MANEAL: variants seen among roughly 807,000 people sequenced by gnomAD.
MANEAL encodes glycoprotein endo-alpha-1,2-mannosidase-like protein.
MANEAL carries 28 observed loss-of-function variants against 35.9 expected under a neutral mutation model. The observed-to-expected ratio is 0.78, with a 90% CI of 0.58 to 1.07. The LOEUF is 1.07. Among genes scored for constraint, MANEAL ranks in the 50% least tolerant of loss-of-function variants. The pLI is 0.00. For missense variants in MANEAL, 576 were observed against 629.6 expected, an observed-to-expected ratio of 0.91 and a Z score of 0.91; for synonymous variants, 286 against 272.2, an observed-to-expected ratio of 1.05 and a Z score of -0.50.
chr1:37,795,506 C>T (rs1646637929), intron 1 of MANEAL: 1 of 1,363,146 alleles, frequency 7.3e-7, no homozygotes, highest in African/African-American at 1.5e-5. Context: ...GCCTGGCTCC[C>T]TTCCGGCCTG....
chr1:37,800,253 A>G lies in MANEAL; in HGVS notation c.*50A>G, dbSNP rs1202389146. ...GCTGATGTCCTTGCCTTGCTGGAAG[A>G]TGTCACCATGTGGGGTTCAGCTGAG... On this transcript the variant is annotated 3_prime_UTR_variant, in exon 4 of 4. Transcript: ENST00000373045. The G allele has an allele frequency of 1.9e-6, 3 of 1,586,144 alleles. No homozygotes were observed. Among genetic ancestry groups the G allele is most frequent in the Non-Finnish European group, 2.6e-6 (3 of 1,168,796 alleles).
At chr1:37,798,217 A>G (rs1263669777) in intron 3 of MANEAL, among the ~76,000 whole-genome samples, 2 of 152,196 alleles carry the variant, frequency 1.3e-5, no homozygotes, top group African/African-American at 2.4e-5. Context: ...ACTTAAGCCC[A>G]GTTGTACAGT....
In MANEAL at chr1:37,800,523, G is replaced by T; in HGVS notation, c.*320G>T. On this transcript the variant is annotated 3_prime_UTR_variant, in exon 4 of 4. Coordinates refer to ENST00000373045, the MANE Select transcript of MANEAL (RefSeq NM_001113482.2). ...GAACTCTGCAGCAGGCTGGTGCTGT[G>T]TAGTGGCCACCCAGTCACCACCCTT... 1 of 370,702 alleles carries T rather than the reference G, an allele frequency of 2.7e-6. No individual in the cohort carries two copies. The allele number at this position is 370,702 out of a possible 1,614,324, so 23.0% of individuals were successfully genotyped here.
rs564527496 is a variant in MANEAL, at chr1:37,799,103, G to A, written c.738-464G>A. Among the ~76,000 whole-genome samples the A allele has an allele frequency of 1.2e-4, 18 of 152,132 alleles. No individual in the cohort carries two copies. Among genetic ancestry groups the A allele is most frequent in the Middle Eastern group, 3.4e-3 (1 of 294 alleles). On this transcript the variant is annotated intron_variant, in intron 3 of 3. Coordinates refer to ENST00000373045, the MANE Select transcript of MANEAL (RefSeq NM_001113482.2). The surrounding 1 kb of genome is among the most constrained non-coding windows in gnomAD (Gnocchi z 4.1). ...AAAAGGGTCAGCTCTGCAAAGATCC[G>A]GAGGCAGGGAGAAAATTCCAAGCAG...
rs556343468 is a variant in MANEAL at position 37,800,979 on chromosome 1, C to T, written c.*776C>T. 6.6e-6 allele frequency: 1 copy of T among 152,608 alleles called. No individual in the cohort carries two copies. Among genetic ancestry groups the T allele is most frequent in the South Asian group, 2.1e-4 (1 of 4,836 alleles). 9.5% of individuals were successfully genotyped at this position (152,608 alleles called of 1,614,324 possible). On this transcript the variant is annotated 3_prime_UTR_variant, in exon 4 of 4. Transcript: ENST00000373045. ...AGAAAAATACCTCTGTGCTCCAGAG[C>T]CTAATTTTTCCCAGATGCATATTTA...
intron 3 of MANEAL, among the ~76,000 whole-genome samples, chr1:37,797,160 G>A (rs1302034858): frequency 1.3e-5 from 2 of 152,170 alleles, no homozygotes; most frequent in Admixed American, 6.5e-5. Flanking sequence ...CAGCACTTTG[G>A]GAGGTCGAGG....
chr1:37,794,545 C>T lies in MANEAL; in HGVS notation c.363C>T (p.His121=). ...SWYGSPRREG[H]YIHWDHVMVP... is the part of the protein sequence containing the mutation. ...ACGGGAGCCCGCGGCGCGAGGGCCACTACATTCACTGGGACCACGTCATGG... is the reference window on the plus strand; with the variant it reads ...ACGGGAGCCCGCGGCGCGAGGGCCATTACATTCACTGGGACCACGTCATGG... The change falls in exon 1 of 4, where the codon CAC becomes CAT. Residue 121 remains histidine (H), a synonymous_variant. Coordinates refer to ENST00000373045, the MANE Select transcript of MANEAL (RefSeq NM_001113482.2). This position sits in a 1 kb window ranked among gnomAD's most constrained non-coding sequence, Gnocchi z 5.7. 4 of 1,611,904 alleles carry T rather than the reference C, an allele frequency of 2.5e-6. No homozygotes were observed. Among genetic ancestry groups the T allele is most frequent in the Non-Finnish European group, 3.4e-6 (4 of 1,179,644 alleles).
rs189643247 is a variant in MANEAL at position 37,796,625 on chromosome 1, A to G, written c.661-119A>G. 1.9e-3 allele frequency: 1,772 copies of G among 949,034 alleles called. 5 individuals carry two copies. Among genetic ancestry groups the G allele is most frequent in the Admixed American group, 2.5e-3 (110 of 44,050 alleles). The allele number at this position is 949,034 out of a possible 1,614,324, so 58.8% of individuals were successfully genotyped here. A position where few individuals can be genotyped will look rare whatever the true frequency, so the allele number is the denominator to read the frequency against. On this transcript the variant is annotated intron_variant, in intron 2 of 3. Coordinates refer to ENST00000373045, the MANE Select transcript of MANEAL (RefSeq NM_001113482.2). ...TGCCTTTATCTCTACTGTGCCCACCACTGCCAGGCCCTCTTCTGAACTCAG... is the reference window on the plus strand; with the variant it reads ...TGCCTTTATCTCTACTGTGCCCACCGCTGCCAGGCCCTCTTCTGAACTCAG...
chr1:37,798,597 G>A (rs150043674), intron 3 of MANEAL, among the ~76,000 whole-genome samples: 1 of 152,044 alleles, frequency 6.6e-6, no homozygotes, highest in Non-Finnish European at 1.5e-5. Context: ...GCTGGGCATG[G>A]TGATGCATGC....
chr1:37,800,273 G>C lies in MANEAL; in HGVS notation c.*70G>C, dbSNP rs1296154966. 1.3e-6 allele frequency: 2 copies of C among 1,560,512 alleles called. No homozygotes were observed. The highest frequency in any genetic ancestry group is 2.7e-5 in the African/African-American group (2 of 74,084). On this transcript the variant is annotated 3_prime_UTR_variant, in exon 4 of 4. Transcript: ENST00000373045. ...GGAAGATGTCACCATGTGGGGTTCA[G>C]CTGAGGTTGTAGCCACTCACTCGTT...
rs890544743 is a variant in MANEAL at position 37,800,125 on chromosome 1, C to T, written c.1296C>T (p.His432=). The T allele has an allele frequency of 1.9e-6, 3 of 1,613,842 alleles. No homozygotes were observed. The highest frequency in any genetic ancestry group is 1.3e-5 in the African/African-American group (1 of 75,074). The change falls in exon 4 of 4, where the codon CAC becomes CAT. Residue 432 remains histidine (H), a synonymous_variant. Transcript: ENST00000373045. ...PTRLYLDYLP[H]QPSLYLELTR... is the part of the protein sequence containing the mutation. Reference sequence around the variant, plus strand: ...GCCTGTATTTGGACTACCTGCCTCACCAGCCCAGCCTGTACCTGGAGCTGA... The same window carrying T: ...GCCTGTATTTGGACTACCTGCCTCATCAGCCCAGCCTGTACCTGGAGCTGA...
In MANEAL at chr1:37,799,548, T is replaced by C; in HGVS notation, c.738-19T>C. 1 of 1,606,142 alleles carries C rather than the reference T, an allele frequency of 6.2e-7. No individual in the cohort carries two copies. Among genetic ancestry groups the C allele is most frequent in the Non-Finnish European group, 8.5e-7 (1 of 1,175,610 alleles). On this transcript the variant is annotated intron_variant, in intron 3 of 3. Transcript: ENST00000373045. This position sits in a 1 kb window ranked among gnomAD's most constrained non-coding sequence, Gnocchi z 4.1. ...CTGGTCTCTCCCATCCAGCTGAGGC[T>C]CTTCTTTCTCCTTCTCAGGTATGGC...
chr1:37,795,327 A>T, intron 1 of MANEAL: 1 of 232,436 alleles, frequency 4.3e-6, no homozygotes, highest in Non-Finnish European at 7.4e-6. Flanking sequence ...GGATTTCGTC[A>T]CTGAATTTTG....
intron 1 of MANEAL, chr1:37,795,294 T>G (rs2148384049): frequency 5.4e-6 from 1 of 185,600 alleles, no homozygotes; most frequent in Non-Finnish European, 1.1e-5. Context: ...TCGTAGGCTA[T>G]GGAGGGGAGG....
In MANEAL at chr1:37,799,522, G is replaced by A. The variant is rs375953174; in HGVS notation, c.738-45G>A. ...CATCCACGGGAGGTCCTACAGCTGTGCTGGTCTCTCCCATCCAGCTGAGGC... is the reference window on the plus strand; with the variant it reads ...CATCCACGGGAGGTCCTACAGCTGTACTGGTCTCTCCCATCCAGCTGAGGC... On this transcript the variant is annotated intron_variant, in intron 3 of 3. Transcript: ENST00000373045. The surrounding 1 kb of genome is among the most constrained non-coding windows in gnomAD (Gnocchi z 4.1). 8 of 1,581,502 alleles carry A rather than the reference G, an allele frequency of 5.1e-6. No homozygotes were observed. Among genetic ancestry groups the A allele is most frequent in the Non-Finnish European group, 6.9e-6 (8 of 1,164,056 alleles).
At chr1:37,797,016 T>C (rs1438703530) in intron 3 of MANEAL, among the ~76,000 whole-genome samples, 196 bp downstream of exon 3, 1 of 152,248 alleles carries the variant, frequency 6.6e-6, no homozygotes, top group African/African-American at 2.4e-5. Context: ...TAATCTGTGA[T>C]GAGGCAAGCC....
At position 37,799,240 on chromosome 1, in the gene MANEAL, A is replaced by T. The variant is rs937203408; in HGVS notation, c.738-327A>T. On this transcript the variant is annotated intron_variant, in intron 3 of 3. Coordinates refer to ENST00000373045, the MANE Select transcript of MANEAL (RefSeq NM_001113482.2). The surrounding 1 kb of genome is among the most constrained non-coding windows in gnomAD (Gnocchi z 4.1). ...GCTGGGAAAAGAGCAGGAATGGAGTAGGCAGGGCCAGATCAAGTAGGTGGG... is the reference window on the plus strand; with the variant it reads ...GCTGGGAAAAGAGCAGGAATGGAGTTGGCAGGGCCAGATCAAGTAGGTGGG... Among the ~76,000 whole-genome samples, 2 of 152,294 alleles carry T rather than the reference A, an allele frequency of 1.3e-5. No individual in the cohort carries two copies. Among genetic ancestry groups the T allele is most frequent in the Admixed American group, 6.5e-5 (1 of 15,282 alleles).
chr1:37,798,166 A>G (rs1305829100), intron 3 of MANEAL, among the ~76,000 whole-genome samples: 6 of 152,216 alleles, frequency 3.9e-5, no homozygotes, highest in African/African-American at 1.2e-4. Context: ...AACAAACAAA[A>G]AAAAAGAGAG....
Position 37,794,192 on chromosome 1 carries a change from C to A in MANEAL, c.10C>A (p.Arg4=). 7.8e-7 allele frequency: 1 copy of A among 1,279,286 alleles called. No homozygotes were observed. Among genetic ancestry groups the A allele is most frequent in the Non-Finnish European group, 1.0e-6 (1 of 995,974 alleles). 79.2% of individuals were successfully genotyped at this position (1,279,286 alleles called of 1,614,324 possible). Residue 4 remains arginine, a synonymous_variant, in exon 1 of 4, where the codon CGG becomes AGG. Coordinates refer to ENST00000373045, the MANE Select transcript of MANEAL (RefSeq NM_001113482.2). The surrounding 1 kb of genome is among the most constrained non-coding windows in gnomAD (Gnocchi z 5.7). The part of the protein sequence containing the change: MAR[R]RRRACIALFL... ...GAGCGCACAGTCGGCCATGGCCCGG[C>A]GGCGGCGCCGCGCCTGCATCGCTCT...
Sources: allele counts gnomAD v4.1 joint callset (sites outside exome capture counted in the v4.1 genomes callset), GRCh38; gene constraint gnomAD v4.1.1; non-coding constraint Gnocchi (gnomAD v3.1); transcripts MANE v1.5; gene names NCBI Gene and HGNC (gene_info 2026-07-23, HGNC 2026-07-21).